The following CADPS2 variants were observed in gnomAD, a reference collection of about 807,000 sequenced individuals.
CADPS2 encodes calcium dependent secretion activator 2, also known as calcium-dependent secretion activator 2.
Under a neutral mutation model 172.5 loss-of-function variants are expected in CADPS2, and 93 were observed. The observed-to-expected ratio is 0.54, with a 90% confidence interval of 0.46 to 0.64. The LOEUF (loss-of-function observed/expected upper bound fraction) is 0.64. Ranked by LOEUF, CADPS2 falls within the 30% of genes least tolerant of loss-of-function variation. The pLI is 0.00. For missense variants in CADPS2, 1,420 were observed against 1,565.9 expected, an observed-to-expected ratio of 0.91 and a Z score of 1.57; for synonymous variants, 546 against 555.2, an observed-to-expected ratio of 0.98 and a Z score of 0.23.
At chr7:122,835,953 G>C (rs1754110340) in intron 1 of CADPS2, among the ~76,000 whole-genome samples, 1 of 152,054 alleles carries the variant, frequency 6.6e-6, no homozygotes, top group African/African-American at 2.4e-5. Context: ...TCCTCGAGAA[G>C]AGCAACTCCA....
intron 1 of CADPS2, among the ~76,000 whole-genome samples, chr7:122,773,834 C>T (rs1282334053): frequency 1.3e-5 from 2 of 152,078 alleles, no homozygotes; most frequent in African/African-American, 2.4e-5. Context: ...TTACCTTTCA[C>T]ATTTTAAAGA....
chr7:122,587,413 G>C (rs2069906409), intron 6 of CADPS2, among the ~76,000 whole-genome samples: 1 of 151,978 alleles, frequency 6.6e-6, no homozygotes, highest in East Asian at 1.9e-4. Flanking sequence ...ATGGCTTCCA[G>C]CTTCATCCAT....
chr7:122,624,896 G>C (rs1338318125), intron 4 of CADPS2, among the ~76,000 whole-genome samples: 1 of 152,148 alleles, frequency 6.6e-6, no homozygotes, highest in Non-Finnish European at 1.5e-5. Flanking sequence ...TCTTCTGATA[G>C]AAAGTCATAA....
chr7:122,825,944 C>T (rs986078996), intron 1 of CADPS2, among the ~76,000 whole-genome samples: 3 of 152,122 alleles, frequency 2.0e-5, no homozygotes, highest in African/African-American at 7.2e-5. Context: ...AACATTAATA[C>T]CAGGGTGGTG....
intron 1 of CADPS2, among the ~76,000 whole-genome samples, chr7:122,778,533 G>C (rs1477170718): frequency 6.6e-6 from 1 of 152,144 alleles, no homozygotes; most frequent in Non-Finnish European, 1.5e-5. Flanking sequence ...TCCCATCATA[G>C]GCCCAGAGGC....
At chr7:122,831,283 C>G (rs1329638610) in intron 1 of CADPS2, among the ~76,000 whole-genome samples, 2 of 152,230 alleles carry the variant, frequency 1.3e-5, no homozygotes, top group Non-Finnish European at 2.9e-5. Context: ...ACCACTATCT[C>G]AAGCAACAAA....
chr7:122,772,312 A>AGAACGGTT (rs1476188617), intron 1 of CADPS2, among the ~76,000 whole-genome samples: 1 of 152,210 alleles, frequency 6.6e-6, no homozygotes, highest in African/African-American at 2.4e-5. Flanking sequence ...AATGTGATTA[A>AGAACGGTT]CATATCACTT....
chr7:122,628,600 A>G (rs1470358447), intron 4 of CADPS2, among the ~76,000 whole-genome samples: 3 of 151,564 alleles, frequency 2.0e-5, no homozygotes, highest in East Asian at 3.9e-4. Context: ...AAGTTAATAA[A>G]TTCACTAAAG....
At chr7:122,461,049 A>T (rs907518249) in intron 14 of CADPS2, among the ~76,000 whole-genome samples, 2 of 152,220 alleles carry the variant, frequency 1.3e-5, no homozygotes, top group Non-Finnish European at 2.9e-5. Context: ...CAGAGACTAC[A>T]TGGTCAAAAA....
intron 2 of CADPS2, among the ~76,000 whole-genome samples, chr7:122,683,868 A>G (rs184749624): frequency 6.6e-6 from 1 of 152,178 alleles, no homozygotes; most frequent in Admixed American, 6.5e-5. Context: ...AAAGACATGT[A>G]TATGAGGTTC....
intron 1 of CADPS2, among the ~76,000 whole-genome samples, chr7:122,869,313 T>C (rs1016871534): frequency 5.3e-5 from 8 of 151,956 alleles, no homozygotes; most frequent in African/African-American, 1.9e-4. Context: ...AAAGAGAAAA[T>C]ATTGAAAAAT....
chr7:122,719,581 T>A (rs1269087986), intron 2 of CADPS2, among the ~76,000 whole-genome samples: 1 of 152,284 alleles, frequency 6.6e-6, no homozygotes, highest in African/African-American at 2.4e-5. Flanking sequence ...AATACTTTTA[T>A]TCTTGAAGGT....
intron 22 of CADPS2, 90 bp downstream of exon 22, chr7:122,393,106 T>A: frequency 7.2e-7 from 1 of 1,380,330 alleles, no homozygotes; most frequent in Non-Finnish European, 9.6e-7. Context: ...CGATGACAAA[T>A]GCCATGCAGT....
At chr7:122,777,591 T>G (rs2093924039) in intron 1 of CADPS2, among the ~76,000 whole-genome samples, 2 of 152,084 alleles carry the variant, frequency 1.3e-5, no homozygotes, top group Admixed American at 1.3e-4. Flanking sequence ...GGGAGGGAAC[T>G]GGTGGGAGGT....
At chr7:122,586,555 G>A (rs1473612800) in intron 6 of CADPS2, among the ~76,000 whole-genome samples, 1 of 151,924 alleles carries the variant, frequency 6.6e-6, no homozygotes, top group Non-Finnish European at 1.5e-5. Context: ...GATCTCTCCT[G>A]AGCCGAGTTA....
Position 122,886,367 on chromosome 7 carries a change from G to A in CADPS2, c.-30C>T, listed in dbSNP as rs1296981868. 3 of 1,487,480 alleles carry A rather than the reference G, an allele frequency of 2.0e-6. No individual in the cohort carries two copies. The highest frequency in any genetic ancestry group is 2.9e-5 in the East Asian group (1 of 34,624). The allele number at this position is 1,487,480 out of a possible 1,614,324, so 92.1% of individuals were successfully genotyped here. ...CTCGGGGATCCCCGCCGCTCGGCCCGCGGTCCCCAAGCGCCTCACCCCCGG... is the reference window on the plus strand; with the variant it reads ...CTCGGGGATCCCCGCCGCTCGGCCCACGGTCCCCAAGCGCCTCACCCCCGG... On this transcript the variant is annotated 5_prime_UTR_variant, in exon 1 of 30. Coordinates refer to ENST00000449022, the MANE Select transcript of CADPS2 (RefSeq NM_017954.11).
intron 3 of CADPS2, among the ~76,000 whole-genome samples, chr7:122,644,221 T>C (rs1021150548): frequency 6.6e-6 from 1 of 152,260 alleles, no homozygotes; most frequent in Non-Finnish European, 1.5e-5. Flanking sequence ...TCCCACATTC[T>C]ATAGCAATCT....
intron 3 of CADPS2, among the ~76,000 whole-genome samples, chr7:122,650,720 C>G (rs2079064153): frequency 6.6e-6 from 1 of 152,092 alleles, no homozygotes; most frequent in Non-Finnish European, 1.5e-5. Context: ...AATGGAGCAA[C>G]ACTAATAAAG....
chr7:122,827,619 C>T (rs951888761), intron 1 of CADPS2, among the ~76,000 whole-genome samples: 2 of 140,340 alleles, frequency 1.4e-5, no homozygotes, highest in African/African-American at 5.6e-5. Flanking sequence ...GCAACATGAG[C>T]GAAATTCCAT....
Sources: allele counts gnomAD v4.1 joint callset (sites outside exome capture counted in the v4.1 genomes callset), GRCh38; gene constraint gnomAD v4.1.1; transcripts MANE v1.5; gene names NCBI Gene and HGNC (gene_info 2026-07-23, HGNC 2026-07-21).